ABI3BP: variants seen among roughly 807,000 people sequenced by gnomAD.
ABI3BP encodes the protein target of Nesh-SH3.
Under a neutral mutation model 268.6 loss-of-function variants are expected in ABI3BP, and 216 were observed. The ratio of observed to expected loss-of-function variants is 0.80; its 90% confidence interval spans 0.72 to 0.90. The LOEUF (loss-of-function observed/expected upper bound fraction) is 0.90. Ranked by LOEUF, ABI3BP falls within the 40% of genes least tolerant of loss-of-function variation. The pLI is 0.00. For synonymous variants in ABI3BP, 730 were observed against 730.0 expected (o/e 1.00, Z 0.00); for missense variants, 2,090 against 2,182.4 (o/e 0.96, Z 0.84).
At chr3:100,953,259 T>G (rs1192892795) in intron 1 of ABI3BP, among the ~76,000 whole-genome samples, 1 of 152,196 alleles carries the variant, frequency 6.6e-6, no homozygotes, top group Non-Finnish European at 1.5e-5. Context: ...ATTTCCGGGT[T>G]AATCACTGTA....
intron 51 of ABI3BP, 98 bp downstream of exon 51, chr3:100,804,694 G>T: frequency 9.2e-7 from 1 of 1,089,560 alleles, no homozygotes; most frequent in Non-Finnish European, 1.4e-6. Context: ...TTAAACATAA[G>T]TGAAATATTG....
chr3:100,831,088 A>G (rs905729656), intron 31 of ABI3BP, among the ~76,000 whole-genome samples: 13 of 152,226 alleles, frequency 8.5e-5, no homozygotes, highest in Admixed American at 6.5e-4. Context: ...GAGAGCCCCT[A>G]TGGTGATCCC....
Position 100,898,855 on chromosome 3 carries a change from C to T in ABI3BP, c.368G>A (p.Gly123Asp), listed in dbSNP as rs1190197549. ...RSRKPLQLVVGTLTPSSVFLS... is the reference protein window; with the variant it reads ...RSRKPLQLVVDTLTPSSVFLS... ...GAAGACCGAGCTCGGTGTCAGAGTGCCAACCACCAGCTGCAGAGGTTTGCG... is the reference window on the plus strand; with the variant it reads ...GAAGACCGAGCTCGGTGTCAGAGTGTCAACCACCAGCTGCAGAGGTTTGCG... The change falls in exon 4 of 68, where the codon GGC becomes GAC. Residue 123 changes from glycine (G) to aspartate (D), a missense_variant. Coordinates refer to ENST00000471714, the MANE Select transcript of ABI3BP (RefSeq NM_001375547.2). 3 of 1,612,906 alleles carry T rather than the reference C, an allele frequency of 1.9e-6. No homozygotes were observed. The highest frequency in any genetic ancestry group is 1.3e-5 in the African/African-American group (1 of 74,854).
At chr3:100,795,052 G>C (rs1306908160) in intron 53 of ABI3BP, 49 bp from the exon 54 acceptor site, 1 of 1,181,730 alleles carries the variant, frequency 8.5e-7, no homozygotes, top group Non-Finnish European at 1.1e-6. Context: ...TTCAAAGCCA[G>C]CACCAGACCA....
intron 2 of ABI3BP, among the ~76,000 whole-genome samples, chr3:100,904,268 GAA>G (rs879644746): frequency 1.3e-5 from 2 of 152,134 alleles, no homozygotes; most frequent in Non-Finnish European, 2.9e-5. Flanking sequence ...CCCATGCTTA[GAA>G]AAGCCCTATG....
intron 1 of ABI3BP, among the ~76,000 whole-genome samples, chr3:100,984,729 C>T (rs1486301378): frequency 6.6e-6 from 1 of 152,152 alleles, no homozygotes; most frequent in African/African-American, 2.4e-5. Context: ...AGAATAAGTA[C>T]TGATTTAGTC....
chr3:100,845,431 T>A (rs2152977653), intron 20 of ABI3BP, among the ~76,000 whole-genome samples: 1 of 152,318 alleles, frequency 6.6e-6, no homozygotes, highest in African/African-American at 2.4e-5. Context: ...ATCTCACTGC[T>A]TCTTTACAGG....
intron 6 of ABI3BP, among the ~76,000 whole-genome samples, chr3:100,877,725 T>C (rs766427945): frequency 4.6e-5 from 7 of 152,198 alleles, no homozygotes; most frequent in Non-Finnish European, 1.0e-4. Flanking sequence ...CACTTTCTGA[T>C]ACTTGGTTTA....
chr3:100,750,598 G>C lies in ABI3BP; in HGVS notation c.5258C>G (p.Ala1753Gly). 6.2e-7 allele frequency: 1 copy of C among 1,611,346 alleles called. No homozygotes were observed. Among genetic ancestry groups the C allele is most frequent in the Non-Finnish European group, 8.5e-7 (1 of 1,178,266 alleles). ...QLPIKEGYFR[A>G]VRQEPVQFGE... ...AAATTGGACAGGTTCCTGGCGAACTGCTCTGAAATAACCTGAGAGAGAAAA... is the reference window on the plus strand; with the variant it reads ...AAATTGGACAGGTTCCTGGCGAACTCCTCTGAAATAACCTGAGAGAGAAAA... The change falls in exon 68 of 68, where the codon GCA becomes GGA. Residue 1753 changes from alanine to glycine, a missense_variant. Ala to Gly is a moderately conservative substitution (Grantham distance 60). Coordinates refer to ENST00000471714, the MANE Select transcript of ABI3BP (RefSeq NM_001375547.2).
intron 50 of ABI3BP, among the ~76,000 whole-genome samples, chr3:100,806,838 AG>A (rs2097722889): frequency 6.6e-6 from 1 of 151,564 alleles, no homozygotes; most frequent in Admixed American, 6.6e-5. Context: ...TAAAAGTCTA[AG>A]TCAAAATGAA....
intron 1 of ABI3BP, among the ~76,000 whole-genome samples, chr3:100,967,288 G>A (rs1037033110): frequency 9.2e-5 from 14 of 152,116 alleles, no homozygotes; most frequent in African/African-American, 3.4e-4. Flanking sequence ...GATCACTTGA[G>A]TTCAGCAGTT....
At chr3:100,795,889 A>C in intron 52 of ABI3BP, 38 bp from the exon 53 acceptor site, 4 of 1,256,670 alleles carry the variant, frequency 3.2e-6, no homozygotes, top group Non-Finnish European at 4.1e-6. Context: ...TATTTATGAG[A>C]ATTACTACCT....
intron 63 of ABI3BP, among the ~76,000 whole-genome samples, chr3:100,761,124 G>A (rs1394521547): frequency 6.6e-6 from 1 of 152,168 alleles, no homozygotes; most frequent in African/African-American, 2.4e-5. Flanking sequence ...AGAACATACA[G>A]TACTTGGTTT....
intron 2 of ABI3BP, among the ~76,000 whole-genome samples, chr3:100,912,683 T>A (rs902346532): frequency 5.9e-5 from 9 of 152,208 alleles, no homozygotes; most frequent in African/African-American, 1.9e-4. Flanking sequence ...AAGCATCCTC[T>A]AGCTCTTGAC....
At chr3:100,841,184 C>A (rs1579980449) in intron 21 of ABI3BP, among the ~76,000 whole-genome samples, 1 of 103,856 alleles carries the variant, frequency 9.6e-6, no homozygotes, top group Admixed American at 1.1e-4. Flanking sequence ...GCTAAGATGG[C>A]ATTAGAACAC....
rs200646281 is a variant in ABI3BP at position 100,753,331 on chromosome 3, ACT to A, written c.4961-385_4961-384del. The stretch of plus-strand genomic sequence containing the variant: ...TTTTTTTTTTTTGAGACAGGATCTC[ACT>A]CTGTTGCCCAAGCTGGATAATGGCT... On this transcript the variant is annotated intron_variant, in intron 65 of 67. Coordinates refer to ENST00000471714, the MANE Select transcript of ABI3BP (RefSeq NM_001375547.2). 8.4e-3 allele frequency among the ~76,000 whole-genome samples: 1,267 copies of A among 151,266 alleles called. 23 individuals carry two copies. The highest frequency in any genetic ancestry group is 0.029 in the African/African-American group (1,215 of 41,200).
chr3:100,750,620 A>T lies in ABI3BP; in HGVS notation c.5246-10T>A. 1 of 1,595,872 alleles carries T rather than the reference A, an allele frequency of 6.3e-7. No homozygotes were observed. Among genetic ancestry groups the T allele is most frequent in the South Asian group, 1.1e-5 (1 of 90,318 alleles). Reference sequence around the variant, plus strand: ...ACTGCTCTGAAATAACCTGAGAGAGAAAATAGTTTCATTTTAATAGCTGCT... The same window carrying T: ...ACTGCTCTGAAATAACCTGAGAGAGTAAATAGTTTCATTTTAATAGCTGCT... On this transcript the variant is annotated splice_polypyrimidine_tract_variant and intron_variant, in intron 67 of 67. Transcript: ENST00000471714.
At position 100,778,244 on chromosome 3, in the gene ABI3BP, G is replaced by A. The variant is rs80350683; in HGVS notation, c.4333+40C>T. 1,444 of 1,598,564 alleles carry A rather than the reference G, an allele frequency of 9.0e-4. 15 individuals carry two copies. The African/African-American group carries it at 0.017, about 18-fold the overall frequency. ...AGAGCTTATGTTGGCTAGTAAAACCGAAATCATGGCGGGAAAAGGAAGGTA... is the reference window on the plus strand; with the variant it reads ...AGAGCTTATGTTGGCTAGTAAAACCAAAATCATGGCGGGAAAAGGAAGGTA... On this transcript the variant is annotated intron_variant, in intron 59 of 67. Coordinates refer to ENST00000471714, the MANE Select transcript of ABI3BP (RefSeq NM_001375547.2).
intron 3 of ABI3BP, among the ~76,000 whole-genome samples, chr3:100,900,390 A>G (rs557455776): frequency 2.0e-5 from 3 of 152,350 alleles, no homozygotes; most frequent in Non-Finnish European, 2.9e-5. Context: ...CAGATGAAAA[A>G]TAAGGCACAG....
Sources: gnomAD v4.1 joint callset for allele counts (sites outside exome capture counted in the v4.1 genomes callset) on GRCh38, gnomAD v4.1.1 for gene constraint, MANE v1.5 for transcripts, NCBI Gene and HGNC (gene_info 2026-07-23, HGNC 2026-07-21) for gene names.